The following SNAP91 variants were observed in gnomAD, a reference collection of about 807,000 sequenced individuals.
SNAP91 encodes the protein synaptosome associated protein 91, also known as clathrin coat assembly protein AP180.
A neutral mutation model predicts 100.3 loss-of-function variants in SNAP91; 27 were observed. The observed-to-expected ratio is 0.27, with a 90% CI of 0.20 to 0.37. The LOEUF (loss-of-function observed/expected upper bound fraction) is 0.37. Ranked by LOEUF, SNAP91 falls within the 10% of genes least tolerant of loss-of-function variation. The probability of loss-of-function intolerance (pLI) is 1.00; values close to 1 mark genes in which losing one functional copy is unlikely to be tolerated. For synonymous variants in SNAP91, 404 were observed against 398.6 expected, an observed-to-expected ratio of 1.01 and a Z score of -0.16; for missense variants, 986 against 1,123.7, an observed-to-expected ratio of 0.88 and a Z score of 1.75.
chr6:83,694,577 ACT>A (rs2099170652), intron 2 of SNAP91, among the ~76,000 whole-genome samples: 1 of 151,924 alleles, frequency 6.6e-6, no homozygotes, highest in Non-Finnish European at 1.5e-5. Flanking sequence ...ATTTTGGAAA[ACT>A]CTCTCTCTAG....
intron 2 of SNAP91, among the ~76,000 whole-genome samples, chr6:83,686,461 T>C (rs2099062077): frequency 6.6e-6 from 1 of 152,240 alleles, no homozygotes; most frequent in Admixed American, 6.5e-5. Flanking sequence ...GAGTCTCTTT[T>C]GTTCAAAGCA....
At chr6:83,591,542 A>T (rs931800338) in intron 21 of SNAP91, among the ~76,000 whole-genome samples, 4 of 152,152 alleles carry the variant, frequency 2.6e-5, no homozygotes, top group African/African-American at 9.7e-5. Flanking sequence ...TTTTTTTCTA[A>T]GAATAAAATT....
chr6:83,703,673 G>A (rs2099347156), intron 2 of SNAP91, among the ~76,000 whole-genome samples: 1 of 152,056 alleles, frequency 6.6e-6, no homozygotes, highest in Non-Finnish European at 1.5e-5. Flanking sequence ...TAATTTGGGA[G>A]GAACGGAATC....
chr6:83,616,048 G>T (rs893032026), intron 10 of SNAP91, among the ~76,000 whole-genome samples: 17 of 152,264 alleles, frequency 1.1e-4, no homozygotes, highest in South Asian at 1.0e-3. Flanking sequence ...TGTTTAAATG[G>T]ACATAATGAA....
At chr6:83,558,590 C>G (rs970443479) in intron 28 of SNAP91, among the ~76,000 whole-genome samples, 3 of 152,166 alleles carry the variant, frequency 2.0e-5, no homozygotes, top group Non-Finnish European at 4.4e-5. Context: ...ATTTTGGGAA[C>G]AGGTCAATGG....
intron 2 of SNAP91, among the ~76,000 whole-genome samples, chr6:83,680,506 G>A (rs1442013996): frequency 2.6e-5 from 4 of 152,050 alleles, no homozygotes; most frequent in Non-Finnish European, 4.4e-5. Flanking sequence ...CACAACTGTA[G>A]GATATTTAGG....
intron 16 of SNAP91, among the ~76,000 whole-genome samples, chr6:83,599,384 T>C (rs2094898299): frequency 6.6e-6 from 1 of 152,180 alleles, no homozygotes; most frequent in Non-Finnish European, 1.5e-5. Flanking sequence ...ATGCATCCTG[T>C]CCATATTTTC....
intron 16 of SNAP91, among the ~76,000 whole-genome samples, chr6:83,597,772 G>T (rs1003103646): frequency 1.3e-5 from 2 of 152,124 alleles, no homozygotes; most frequent in African/African-American, 4.8e-5. Context: ...TCAGCACAAA[G>T]GTTCCAATTG....
intron 2 of SNAP91, among the ~76,000 whole-genome samples, chr6:83,692,131 G>C (rs903464056): frequency 2.0e-5 from 3 of 152,166 alleles, no homozygotes; most frequent in Non-Finnish European, 2.9e-5. Flanking sequence ...AGTATTGAAA[G>C]ATACCTATGA....
At chr6:83,634,172 AG>A (rs2097334013) in intron 8 of SNAP91, among the ~76,000 whole-genome samples, 1 of 151,934 alleles carries the variant, frequency 6.6e-6, no homozygotes, top group Admixed American at 6.5e-5. Flanking sequence ...GCCTTTTCCC[AG>A]TGCCTCTGGC....
In SNAP91 at chr6:83,607,766, C is replaced by A; in HGVS notation, c.955G>T (p.Ala319Ser). Residue 319 changes from alanine to serine, a missense_variant, in exon 13 of 30, where the codon GCT becomes TCT. This residue lies in a region of SNAP91 where 330 missense variants were observed against 447.5 expected (regional missense o/e 0.74). Coordinates refer to ENST00000369694, the MANE Select transcript of SNAP91 (RefSeq NM_001242792.2). ...GGTGGGGATGTGTCAATAGTTTTAG[C>A]TGGTGTAGAATTAGGAGACGTAACA... ...TTVTSPNSTPAKTIDTSPPVD... is the reference protein window; with the variant it reads ...TTVTSPNSTPSKTIDTSPPVD... The A allele has an allele frequency of 6.3e-7, 1 of 1,594,830 alleles. No individual in the cohort carries two copies. Among genetic ancestry groups the A allele is most frequent in the Non-Finnish European group, 8.5e-7 (1 of 1,170,478 alleles).
chr6:83,566,314 G>A (rs78982398), intron 26 of SNAP91, among the ~76,000 whole-genome samples: 2,495 of 152,178 alleles, frequency 0.016, 68 homozygotes, highest in African/African-American at 0.057. Context: ...TCATTGAATT[G>A]TATACTTTAA....
chr6:83,647,840 T>C (rs568543195), intron 7 of SNAP91, among the ~76,000 whole-genome samples: 1 of 152,144 alleles, frequency 6.6e-6, no homozygotes, highest in Non-Finnish European at 1.5e-5. Flanking sequence ...TAAAGAAAGA[T>C]GTATTTGGCT....
chr6:83,697,818 A>C (rs1365929718), intron 2 of SNAP91, among the ~76,000 whole-genome samples: 3 of 152,180 alleles, frequency 2.0e-5, no homozygotes, highest in Non-Finnish European at 4.4e-5. Context: ...AAAATTAGGG[A>C]AATATGAAGC....
intron 11 of SNAP91, among the ~76,000 whole-genome samples, chr6:83,613,713 A>G (rs1305196038): frequency 6.6e-6 from 1 of 152,176 alleles, no homozygotes; most frequent in Non-Finnish European, 1.5e-5. Flanking sequence ...AACTTGGCAC[A>G]TTTGCTTCTC....
intron 28 of SNAP91, 27 bp downstream of exon 28, chr6:83,560,077 T>G: frequency 6.4e-7 from 1 of 1,558,526 alleles, no homozygotes; most frequent in Non-Finnish European, 8.9e-7. Context: ...TTAATGTCAC[T>G]GATTTGTGGA....
At chr6:83,614,898 GAGAATAGTTA>G in intron 10 of SNAP91, 36 bp from the exon 11 acceptor site, 1 of 1,552,366 alleles carries the variant, frequency 6.4e-7, no homozygotes, top group Non-Finnish European at 8.8e-7. Context: ...ATACAAAGAA[GAGAATAGTTA>G]ACTATTATAG....
rs1784819370 is a variant in SNAP91, at chr6:83,560,089, A to AT, written c.2631+14dup. The AT allele has an allele frequency of 6.2e-7, 1 of 1,603,446 alleles. No individual in the cohort carries two copies. Among genetic ancestry groups the AT allele is most frequent in the Non-Finnish European group, 8.5e-7 (1 of 1,170,518 alleles). On this transcript the variant is annotated intron_variant, in intron 28 of 29. Coordinates refer to ENST00000369694, the MANE Select transcript of SNAP91 (RefSeq NM_001242792.2). ...TAGTTAATGTCACTGATTTGTGGAC[A>AT]TTGAAGAAACTGACCTGCGTGCCAG...
chr6:83,618,344 G>A (rs536329518), intron 9 of SNAP91, among the ~76,000 whole-genome samples: 22 of 151,306 alleles, frequency 1.5e-4, no homozygotes, highest in Non-Finnish European at 2.7e-4. Context: ...CAGCCCTGTC[G>A]GCATTATTTT....
Sources: allele counts gnomAD v4.1 joint callset (sites outside exome capture counted in the v4.1 genomes callset), GRCh38; gene constraint gnomAD v4.1.1; regional missense constraint gnomAD v4.1.1; transcripts MANE v1.5; gene names NCBI Gene and HGNC (gene_info 2026-07-23, HGNC 2026-07-21).